LZTS1: variants seen among roughly 807,000 people sequenced by gnomAD.
LZTS1 encodes the protein leucine zipper tumor suppressor 1.
LZTS1 carries 31 observed loss-of-function variants against 45.8 expected under a neutral mutation model. The observed-to-expected ratio is 0.68, with a 90% CI of 0.51 to 0.91. LZTS1 has a LOEUF of 0.91. LZTS1 is among the 40% of genes least tolerant of loss of function. The probability of loss-of-function intolerance (pLI) is 0.00; values close to 1 mark genes in which losing one functional copy is unlikely to be tolerated. For synonymous variants in LZTS1, 359 were observed against 357.3 expected, an observed-to-expected ratio of 1.00 and a Z score of -0.05; for missense variants, 821 against 788.9, an observed-to-expected ratio of 1.04 and a Z score of -0.49.
Position 20,250,077 on chromosome 8 carries a change from CGCAGCTCCT to C in LZTS1, c.1427_1435del (p.Gln476_Leu478del). 6.2e-7 allele frequency: 1 copy of C among 1,607,304 alleles called. No homozygotes were observed. Among genetic ancestry groups the C allele is most frequent in the Non-Finnish European group, 8.5e-7 (1 of 1,179,274 alleles). On this transcript the variant is annotated inframe_deletion, in exon 4 of 4. Coordinates refer to ENST00000381569, the MANE Select transcript of LZTS1 (RefSeq NM_021020.5). ...GTCGCGGGCCAGGGCGGCCTGGGCCCGCAGCTCCTGCAGCTCCTGCTCCAGCAGGTTCAC... is the reference window on the plus strand; with the variant it reads ...GTCGCGGGCCAGGGCGGCCTGGGCCCGCAGCTCCTGCTCCAGCAGGTTCAC...
At chr8:20,255,935 C>T (rs979885791) in intron 1 of LZTS1, among the ~76,000 whole-genome samples, 2 of 151,134 alleles carry the variant, frequency 1.3e-5, no homozygotes, top group East Asian at 2.0e-4. Flanking sequence ...ATTAGCCGGG[C>T]GTAGTGGTGC....
chr8:20,296,698 CGTGTGTAT>C (rs1324256060), intron 1 of LZTS1, among the ~76,000 whole-genome samples: 2 of 152,158 alleles, frequency 1.3e-5, no homozygotes, highest in Non-Finnish European at 1.5e-5. Flanking sequence ...CGTGTGTGTG[CGTGTGTAT>C]GTGTGTATGT....
chr8:20,282,253 G>T (rs1800707805), intron 1 of LZTS1, among the ~76,000 whole-genome samples: 1 of 152,202 alleles, frequency 6.6e-6, no homozygotes, highest in Non-Finnish European at 1.5e-5. Flanking sequence ...AGAGGAAGAG[G>T]TGGCGACTCA....
chr8:20,251,645 G>A (rs922029315), intron 3 of LZTS1, among the ~76,000 whole-genome samples: 4 of 152,138 alleles, frequency 2.6e-5, no homozygotes, highest in African/African-American at 9.7e-5. Flanking sequence ...GGATAGGGGT[G>A]GAAATAGAGA....
chr8:20,272,809 G>A (rs1800499365), intron 1 of LZTS1, among the ~76,000 whole-genome samples: 1 of 152,132 alleles, frequency 6.6e-6, no homozygotes, highest in African/African-American at 2.4e-5. Flanking sequence ...TTCCAGCCAT[G>A]GCGTGACTCT....
chr8:20,292,795 T>G (rs544551845), intron 1 of LZTS1, among the ~76,000 whole-genome samples: 1 of 152,304 alleles, frequency 6.6e-6, no homozygotes, highest in Non-Finnish European at 1.5e-5. Flanking sequence ...CCACAGCACG[T>G]TAGTAGAAAG....
chr8:20,300,417 C>T (rs1801054871), intron 1 of LZTS1, among the ~76,000 whole-genome samples: 1 of 152,060 alleles, frequency 6.6e-6, no homozygotes, highest in Non-Finnish European at 1.5e-5. Flanking sequence ...ACTGCAAGCT[C>T]CCCCTCCCGG....
At chr8:20,292,232 T>C (rs1473770335) in intron 1 of LZTS1, among the ~76,000 whole-genome samples, 1 of 152,206 alleles carries the variant, frequency 6.6e-6, no homozygotes, top group African/African-American at 2.4e-5. Flanking sequence ...GCACCCAGTG[T>C]GTCTGAGATT....
intron 1 of LZTS1, among the ~76,000 whole-genome samples, chr8:20,280,998 G>T (rs1185972360): frequency 3.3e-5 from 5 of 152,190 alleles, no homozygotes; most frequent in African/African-American, 1.2e-4. Flanking sequence ...ATTCCCCAGG[G>T]CCTGGGTGGC....
chr8:20,295,184 C>T (rs1800960974), intron 1 of LZTS1, among the ~76,000 whole-genome samples: 1 of 151,852 alleles, frequency 6.6e-6, no homozygotes, highest in Non-Finnish European at 1.5e-5. Context: ...TGCTTCCTAC[C>T]TCCTGCCAGC....
intron 1 of LZTS1, among the ~76,000 whole-genome samples, chr8:20,293,315 G>T (rs532166297): frequency 5.1e-4 from 77 of 152,200 alleles, no homozygotes; most frequent in African/African-American, 1.8e-3. Flanking sequence ...GTGTGCAAGC[G>T]CCTCCTCAAT....
At chr8:20,256,027 A>G (rs543783026) in intron 1 of LZTS1, among the ~76,000 whole-genome samples, 5 of 137,306 alleles carry the variant, frequency 3.6e-5, no homozygotes, top group East Asian at 2.4e-4. Context: ...GTGAGCCACA[A>G]TTGTGCCACT....
chr8:20,265,144 G>C (rs1235481745), intron 1 of LZTS1, among the ~76,000 whole-genome samples: 1 of 152,286 alleles, frequency 6.6e-6, no homozygotes, highest in Non-Finnish European at 1.5e-5. Context: ...AGGGATCAGA[G>C]TTCTGCCTGT....
At position 20,252,945 on chromosome 8, in the gene LZTS1, T is replaced by C; in HGVS notation, c.986A>G (p.Gln329Arg). Residue 329 changes from glutamine to arginine, a missense_variant, in exon 3 of 4, where the codon CAG becomes CGG. Physicochemically the swap from Gln to Arg is conservative, Grantham distance 43 (BLOSUM62 1). Coordinates refer to ENST00000381569, the MANE Select transcript of LZTS1 (RefSeq NM_021020.5). Reference protein sequence around the residue: ...QASQKSQRAQQVLHLQVLQLQ... With the variant: ...QASQKSQRAQRVLHLQVLQLQ... ...CTGCAGTACCTGCAGGTGCAGGACC[T>C]GCTGCGCGCGCTGGCTCTTCTGCGA... 6.2e-7 allele frequency: 1 copy of C among 1,600,172 alleles called. No homozygotes were observed. The highest frequency in any genetic ancestry group is 8.5e-7 in the Non-Finnish European group (1 of 1,175,096).
At chr8:20,302,239 C>T (rs1284655031) in intron 1 of LZTS1, among the ~76,000 whole-genome samples, 2 of 152,094 alleles carry the variant, frequency 1.3e-5, no homozygotes, top group Non-Finnish European at 2.9e-5. Flanking sequence ...GAAAGAGCCT[C>T]CAAAGAAAAG....
intron 1 of LZTS1, among the ~76,000 whole-genome samples, chr8:20,269,943 T>A (rs1800439068): frequency 6.6e-6 from 1 of 152,100 alleles, no homozygotes; most frequent in Admixed American, 6.5e-5. Flanking sequence ...CATGGGAGCC[T>A]CTCACTAACG....
intron 1 of LZTS1, among the ~76,000 whole-genome samples, chr8:20,296,225 C>T (rs1471444452): frequency 6.6e-6 from 1 of 152,166 alleles, no homozygotes; most frequent in Admixed American, 6.5e-5. Context: ...TGCCCTGATG[C>T]CTTGGGCGGG....
chr8:20,253,091 C>T lies in LZTS1; in HGVS notation c.840G>A (p.Leu280=). 2 of 1,610,308 alleles carry T rather than the reference C, an allele frequency of 1.2e-6. No homozygotes were observed. The highest frequency in any genetic ancestry group is 8.5e-7 in the Non-Finnish European group (1 of 1,178,848). Residue 280 remains leucine, a synonymous_variant, in exon 3 of 4, where the codon CTG becomes CTA. Coordinates refer to ENST00000381569, the MANE Select transcript of LZTS1 (RefSeq NM_021020.5). Reference sequence around the variant, plus strand: ...GCTCCTTCTCCTCAAAGCTGCGCTGCAGCTTCTGGAGGGCGCCCTCCCTCT... The same window carrying T: ...GCTCCTTCTCCTCAAAGCTGCGCTGTAGCTTCTGGAGGGCGCCCTCCCTCT... ...LLEREGALQK[L]QRSFEEKELA...
At chr8:20,269,271 C>G (rs890596334) in intron 1 of LZTS1, among the ~76,000 whole-genome samples, 3 of 152,170 alleles carry the variant, frequency 2.0e-5, no homozygotes, top group Non-Finnish European at 4.4e-5. Flanking sequence ...TCTGACGACC[C>G]GTGATACAGA....
Sources: allele counts gnomAD v4.1 joint callset (sites outside exome capture counted in the v4.1 genomes callset), GRCh38; gene constraint gnomAD v4.1.1; transcripts MANE v1.5; gene names NCBI Gene and HGNC (gene_info 2026-07-23, HGNC 2026-07-21).